Variants in MARK3 observed in about 807,000 individuals in gnomAD.
MARK3 encodes the protein microtubule affinity regulating kinase 3.
In MARK3, 46 loss-of-function variants were observed where a neutral mutation model predicts 90.1. That is an observed-to-expected ratio of 0.51 (90% CI 0.40 to 0.65). MARK3 has a LOEUF of 0.65. Ranked by LOEUF, MARK3 falls within the 30% of genes least tolerant of loss-of-function variation. MARK3 has a pLI of 0.00. For missense variants in MARK3, 818 were observed against 947.2 expected, an observed-to-expected ratio of 0.86 and a Z score of 1.79; for synonymous variants, 321 against 332.6, an observed-to-expected ratio of 0.97 and a Z score of 0.38.
At chr14:103,425,239 CTATT>C (rs904614677) in intron 2 of MARK3, among the ~76,000 whole-genome samples, 11 of 133,918 alleles carry the variant, frequency 8.2e-5, no homozygotes, top group East Asian at 4.4e-4. Context: ...CACACCTGGC[CTATT>C]TATTTATTAT....
Position 103,433,353 on chromosome 14 carries a change from C to A in MARK3, c.297+4913C>A, listed in dbSNP as rs186329096. Reference sequence around the variant, plus strand: ...CTGCCTGCCTCAGCCTCCCAAAGTGCTGGGATTACTGGCCTGAGCCACCGT... The same window carrying A: ...CTGCCTGCCTCAGCCTCCCAAAGTGATGGGATTACTGGCCTGAGCCACCGT... On this transcript the variant is annotated intron_variant, in intron 3 of 17. Transcript: ENST00000429436. Among the ~76,000 whole-genome samples, 735 of 152,094 alleles carry A rather than the reference C, an allele frequency of 4.8e-3. 27 individuals are homozygous for A. Among genetic ancestry groups the A allele is most frequent in the Admixed American group, 0.046 (709 of 15,300 alleles).
At chr14:103,475,921 C>T (rs887728253) in intron 13 of MARK3, among the ~76,000 whole-genome samples, 1 of 149,498 alleles carries the variant, frequency 6.7e-6, no homozygotes, top group Admixed American at 6.7e-5. Context: ...TCTAGCCTGG[C>T]GACAGAGCGA....
chr14:103,386,488 A>G (rs768693809), intron 1 of MARK3: 3 of 466,752 alleles, frequency 6.4e-6, no homozygotes, highest in African/African-American at 2.0e-5. Flanking sequence ...TTAATAACAT[A>G]TGTTACCGGT....
At chr14:103,467,697 A>AAAAAAAAAAAAAAAAAAAATG (rs2093540104) in intron 11 of MARK3, 1 of 158,738 alleles carries the variant, frequency 6.3e-6, no homozygotes, top group African/African-American at 2.4e-5. Flanking sequence ...AAAAAAAAAA[A>AAAAAAAAAAAAAAAAAAAATG]GATGGATGTT....
intron 3 of MARK3, among the ~76,000 whole-genome samples, chr14:103,439,072 A>T (rs2092786927): frequency 6.6e-6 from 1 of 152,004 alleles, no homozygotes; most frequent in Admixed American, 6.6e-5. Context: ...TTACTCAGCT[A>T]AAGCTAAGCA....
intron 1 of MARK3, among the ~76,000 whole-genome samples, chr14:103,395,724 T>C (rs1324003784): frequency 6.6e-6 from 1 of 152,238 alleles, no homozygotes; most frequent in Non-Finnish European, 1.5e-5. Flanking sequence ...TTGATTGATA[T>C]TTTGGCTGCA....
intron 4 of MARK3, among the ~76,000 whole-genome samples, chr14:103,450,028 T>C (rs1417520701): frequency 6.6e-6 from 1 of 152,232 alleles, no homozygotes; most frequent in Non-Finnish European, 1.5e-5. Flanking sequence ...AAAAGGCGTA[T>C]GCCCTATTTC....
intron 13 of MARK3, among the ~76,000 whole-genome samples, chr14:103,475,669 G>A (rs1161084267): frequency 7.2e-5 from 11 of 152,154 alleles, no homozygotes; most frequent in Admixed American, 3.3e-4. Flanking sequence ...TAATCTGGCC[G>A]GGTGCGGTGG....
chr14:103,426,734 G>A (rs1278301216), intron 2 of MARK3, among the ~76,000 whole-genome samples: 1 of 151,996 alleles, frequency 6.6e-6, no homozygotes, highest in African/African-American at 2.4e-5. Context: ...ATCCTAATGG[G>A]TTTTAAAAAC....
chr14:103,427,221 CA>C (rs2092435762), intron 2 of MARK3, among the ~76,000 whole-genome samples: 1 of 151,138 alleles, frequency 6.6e-6, no homozygotes, highest in African/African-American at 2.4e-5. Context: ...AGAAACAGGC[CA>C]GGCGCTGTGG....
intron 17 of MARK3, 93 bp from the exon 18 acceptor site, chr14:103,502,789 G>A (rs964131904): frequency 1.0e-6 from 1 of 952,396 alleles, no homozygotes; most frequent in Non-Finnish European, 1.6e-6. Context: ...CGTTAGTTGT[G>A]TTGTATCAAA....
At chr14:103,388,610 A>G (rs986832768) in intron 1 of MARK3, among the ~76,000 whole-genome samples, 3 of 152,204 alleles carry the variant, frequency 2.0e-5, no homozygotes, top group Non-Finnish European at 2.9e-5. Context: ...TGTAACCGCT[A>G]TCACAATCAA....
intron 1 of MARK3, among the ~76,000 whole-genome samples, chr14:103,390,492 G>A (rs1219910606): frequency 6.6e-6 from 1 of 152,006 alleles, no homozygotes; most frequent in East Asian, 1.9e-4. Flanking sequence ...TAGATCAGGG[G>A]TGTCCAATCT....
intron 2 of MARK3, among the ~76,000 whole-genome samples, chr14:103,425,581 T>C (rs2092377870): frequency 6.6e-6 from 1 of 152,202 alleles, no homozygotes; most frequent in African/African-American, 2.4e-5. Context: ...TGAGTACTCC[T>C]TATGTGCCAG....
intron 15 of MARK3, among the ~76,000 whole-genome samples, chr14:103,494,417 G>A (rs2075210041): frequency 6.6e-6 from 1 of 151,240 alleles, no homozygotes; most frequent in Non-Finnish European, 1.5e-5. Context: ...CGGGCATGGT[G>A]GCACATGCCT....
chr14:103,437,515 C>T (rs1368529123), intron 3 of MARK3, among the ~76,000 whole-genome samples: 2 of 152,218 alleles, frequency 1.3e-5, no homozygotes, highest in Non-Finnish European at 2.9e-5. Flanking sequence ...TGGGTTCAAG[C>T]ATCCTCCTTC....
At chr14:103,398,602 G>A (rs1258822816) in intron 1 of MARK3, among the ~76,000 whole-genome samples, 1 of 152,096 alleles carries the variant, frequency 6.6e-6, no homozygotes, top group African/African-American at 2.4e-5. Flanking sequence ...CAAACTTCCG[G>A]GTTTAAGCAA....
intron 3 of MARK3, among the ~76,000 whole-genome samples, chr14:103,443,027 A>G (rs1329175797): frequency 2.0e-5 from 3 of 150,554 alleles, no homozygotes; most frequent in African/African-American, 7.4e-5. Context: ...GAAGGGAGAG[A>G]AAACACAGAA....
At chr14:103,475,294 GTC>G (rs2093695354) in intron 13 of MARK3, 84 bp downstream of exon 13, 8 of 1,151,506 alleles carry the variant, frequency 6.9e-6, no homozygotes, top group South Asian at 4.0e-5. Context: ...TACTCCTGTG[GTC>G]TCTCGTACTG....
Sources: gnomAD v4.1 joint callset for allele counts (sites outside exome capture counted in the v4.1 genomes callset) on GRCh38, gnomAD v4.1.1 for gene constraint, MANE v1.5 for transcripts, NCBI Gene and HGNC (gene_info 2026-07-23, HGNC 2026-07-21) for gene names.